FAM135B: variants seen among roughly 807,000 people sequenced by gnomAD.
FAM135B encodes the protein protein FAM135B.
A neutral mutation model predicts 127.7 loss-of-function variants in FAM135B; 43 were observed. That is an observed-to-expected ratio of 0.34 (90% CI 0.26 to 0.43). The LOEUF is 0.43. Among genes scored for constraint, FAM135B ranks in the 20% least tolerant of loss-of-function variants. The pLI is 1.00. For missense variants in FAM135B, 1,558 were observed against 1,725.6 expected, an observed-to-expected ratio of 0.90 and a Z score of 1.72; for synonymous variants, 670 against 665.1, an observed-to-expected ratio of 1.01 and a Z score of -0.11.
At chr8:138,142,339 C>T (rs1428843756) in intron 16 of FAM135B, among the ~76,000 whole-genome samples, 4 of 129,950 alleles carry the variant, frequency 3.1e-5, no homozygotes, top group Non-Finnish European at 4.7e-5. Flanking sequence ...CTCACTCTGT[C>T]GCCCAGGCTG....
intron 7 of FAM135B, among the ~76,000 whole-genome samples, chr8:138,216,270 T>C (rs1211564927): frequency 2.0e-5 from 3 of 152,204 alleles, no homozygotes; most frequent in Admixed American, 1.3e-4. Flanking sequence ...CGTTGGAGGA[T>C]AGCTAGATAG....
At chr8:138,401,556 A>T (rs73717255) in intron 1 of FAM135B, among the ~76,000 whole-genome samples, 3,277 of 152,278 alleles carry the variant, frequency 0.022, 124 homozygotes, top group African/African-American at 0.074. Flanking sequence ...CCAGGTTATG[A>T]GCCAAATGCT....
At chr8:138,368,181 G>A (rs1170013154) in intron 1 of FAM135B, among the ~76,000 whole-genome samples, 179 bp from the exon 2 acceptor site, 1 of 152,124 alleles carries the variant, frequency 6.6e-6, no homozygotes, top group African/African-American at 2.4e-5. Context: ...AAAATGACTT[G>A]CCTACTGTCA....
chr8:138,255,946 T>G (rs1822054276), intron 5 of FAM135B, among the ~76,000 whole-genome samples: 1 of 152,114 alleles, frequency 6.6e-6, no homozygotes. Flanking sequence ...CCCCCTACCA[T>G]GCCCTGTTCC....
At chr8:138,423,680 G>A (rs1022349300) in intron 1 of FAM135B, among the ~76,000 whole-genome samples, 5 of 152,060 alleles carry the variant, frequency 3.3e-5, no homozygotes, top group African/African-American at 7.2e-5. Context: ...ATGAAGTTTC[G>A]GGCACACATT....
At chr8:138,256,310 T>A (rs1037896796) in intron 5 of FAM135B, among the ~76,000 whole-genome samples, 20 of 152,168 alleles carry the variant, frequency 1.3e-4, no homozygotes, top group Admixed American at 6.5e-4. Flanking sequence ...AGATGTAGAA[T>A]CCTGGAAGAA....
At chr8:138,320,935 C>T (rs1563895763) in intron 2 of FAM135B, among the ~76,000 whole-genome samples, 1 of 152,210 alleles carries the variant, frequency 6.6e-6, no homozygotes, top group Non-Finnish European at 1.5e-5. Context: ...AAATCTGTGA[C>T]ATTTTGTCAA....
intron 9 of FAM135B, among the ~76,000 whole-genome samples, chr8:138,191,071 C>T (rs1201151974): frequency 6.6e-6 from 1 of 152,168 alleles, no homozygotes; most frequent in East Asian, 1.9e-4. Flanking sequence ...GAATAAATCT[C>T]CTCTAATATT....
intron 4 of FAM135B, among the ~76,000 whole-genome samples, chr8:138,263,702 G>A (rs1478206681): frequency 6.6e-6 from 1 of 152,116 alleles, no homozygotes; most frequent in Non-Finnish European, 1.5e-5. Flanking sequence ...GAGAGTCAAG[G>A]GCCATCAAAC....
chr8:138,442,001 T>A (rs776310236), intron 1 of FAM135B, among the ~76,000 whole-genome samples: 1 of 151,572 alleles, frequency 6.6e-6, no homozygotes, highest in East Asian at 2.0e-4. Context: ...TGATGCAGAT[T>A]GGTGTTAGTT....
At chr8:138,225,172 TATAC>T (rs1819317590) in intron 7 of FAM135B, among the ~76,000 whole-genome samples, 1 of 152,290 alleles carries the variant, frequency 6.6e-6, no homozygotes, top group African/African-American at 2.4e-5. Context: ...CTATACAAAG[TATAC>T]ATAGATCAAA....
rs1512388 is a variant in FAM135B, at chr8:138,356,286, G to A, written c.77+11621C>T. 9.0e-3 allele frequency among the ~76,000 whole-genome samples: 1,354 copies of A among 150,960 alleles called. 25 individuals carry two copies. Among genetic ancestry groups the A allele is most frequent in the African/African-American group, 0.03 (1,255 of 41,336 alleles). On this transcript the variant is annotated intron_variant, in intron 2 of 19. Coordinates refer to ENST00000395297, the MANE Select transcript of FAM135B (RefSeq NM_015912.4). ...GGAAAGAGAGAGAGAGAGAGAGAAA[G>A]AGAGAGCCAGCGAGTGAGAGAAAAC...
intron 2 of FAM135B, among the ~76,000 whole-genome samples, chr8:138,331,459 C>T (rs897650657): frequency 6.6e-6 from 1 of 151,892 alleles, no homozygotes; most frequent in Non-Finnish European, 1.5e-5. Flanking sequence ...AGTCATTATC[C>T]CAGATTATAG....
intron 19 of FAM135B, among the ~76,000 whole-genome samples, chr8:138,133,948 T>C (rs1029481066): frequency 2.6e-5 from 4 of 152,098 alleles, no homozygotes; most frequent in Non-Finnish European, 5.9e-5. Flanking sequence ...ATTGAAATAA[T>C]TAGGGATTTC....
At chr8:138,139,135 A>C (rs1277165128) in intron 17 of FAM135B, 39 bp from the exon 18 acceptor site, 15 of 1,319,072 alleles carry the variant, frequency 1.1e-5, no homozygotes, top group Non-Finnish European at 1.6e-5. Flanking sequence ...AAAAACACAA[A>C]ACAAAACAAA....
At chr8:138,449,166 T>C (rs1454454385) in intron 1 of FAM135B, among the ~76,000 whole-genome samples, 2 of 152,124 alleles carry the variant, frequency 1.3e-5, no homozygotes, top group African/African-American at 4.8e-5. Flanking sequence ...AAAAAGAACT[T>C]ACAAATGGGT....
chr8:138,351,187 C>T (rs1563926182), intron 2 of FAM135B, among the ~76,000 whole-genome samples: 1 of 152,190 alleles, frequency 6.6e-6, no homozygotes, highest in African/African-American at 2.4e-5. Flanking sequence ...GTGTCCCCTT[C>T]AAAGAGATAT....
chr8:138,389,783 T>C (rs1226157869), intron 1 of FAM135B, among the ~76,000 whole-genome samples: 5 of 152,218 alleles, frequency 3.3e-5, no homozygotes, highest in Non-Finnish European at 2.9e-5. Context: ...TACTGAATCG[T>C]TCACTTTAAA....
chr8:138,393,541 G>A (rs1225001123), intron 1 of FAM135B, among the ~76,000 whole-genome samples: 1 of 152,146 alleles, frequency 6.6e-6, no homozygotes, highest in Non-Finnish European at 1.5e-5. Flanking sequence ...ACTTCCTGCA[G>A]CTTAGCTTAC....
Sources: allele counts gnomAD v4.1 joint callset (sites outside exome capture counted in the v4.1 genomes callset), GRCh38; gene constraint gnomAD v4.1.1; transcripts MANE v1.5; gene names NCBI Gene and HGNC (gene_info 2026-07-23, HGNC 2026-07-21).